Variants in NDST3 observed in about 807,000 individuals in gnomAD.
NDST3 encodes the protein bifunctional heparan sulfate N-deacetylase/N-sulfotransferase 3.
In NDST3, 58 loss-of-function variants were observed where a neutral mutation model predicts 96.1. That is an observed-to-expected ratio of 0.60 (90% CI 0.49 to 0.75). The LOEUF is 0.75. Ranked by LOEUF, NDST3 falls within the 30% of genes least tolerant of loss-of-function variation. The pLI is 0.00. For missense variants in NDST3, 788 were observed against 1,034.2 expected, an observed-to-expected ratio of 0.76 and a Z score of 3.27; for synonymous variants, 333 against 359.7, an observed-to-expected ratio of 0.93 and a Z score of 0.84.
chr4:118,138,224 C>T lies in NDST3; in HGVS notation c.1395C>T (p.Ile465=), dbSNP rs1192425830. 2 of 1,613,416 alleles carry T rather than the reference C, an allele frequency of 1.2e-6. No individual in the cohort carries two copies. Among genetic ancestry groups the T allele is most frequent in the Admixed American group, 1.7e-5 (1 of 59,924 alleles). ...CAGCTAGATACCGGAGGGGTTTTAT[C>T]CACAAAAACATCATGGTGAGCTTCC... ...LKPARYRRGF[I]HKNIMVLPRQ... is the part of the protein sequence containing the mutation. The change falls in exon 5 of 14, where the codon ATC becomes ATT. Residue 465 remains isoleucine (I), a synonymous_variant. Coordinates refer to ENST00000296499, the MANE Select transcript of NDST3 (RefSeq NM_004784.3).
chr4:118,093,434 A>T (rs1271976151), intron 2 of NDST3, among the ~76,000 whole-genome samples: 2 of 151,824 alleles, frequency 1.3e-5, no homozygotes, highest in Non-Finnish European at 2.9e-5. Context: ...CACAATTTCT[A>T]ATTTTTCACC....
At chr4:118,084,241 G>C (rs939218252) in intron 2 of NDST3, among the ~76,000 whole-genome samples, 5 of 151,832 alleles carry the variant, frequency 3.3e-5, no homozygotes, top group Admixed American at 1.3e-4. Context: ...AAAAAAAATA[G>C]GTAACTATGT....
chr4:118,105,158 T>C, intron 3 of NDST3, 53 bp downstream of exon 3: 1 of 1,379,960 alleles, frequency 7.2e-7, no homozygotes, highest in Non-Finnish European at 1.0e-6. Flanking sequence ...TCACTCTATT[T>C]AAAATTGCAC....
At chr4:118,166,591 C>T (rs1318813165) in intron 6 of NDST3, among the ~76,000 whole-genome samples, 2 of 151,822 alleles carry the variant, frequency 1.3e-5, no homozygotes. Flanking sequence ...GACAAATATA[C>T]TATGAGAAGA....
intron 6 of NDST3, among the ~76,000 whole-genome samples, chr4:118,166,845 TATG>T (rs1235402199): frequency 6.6e-6 from 1 of 151,812 alleles, no homozygotes; most frequent in Non-Finnish European, 1.5e-5. Context: ...CAAAATGCAA[TATG>T]ATTTCATGAT....
intron 2 of NDST3, among the ~76,000 whole-genome samples, chr4:118,068,166 C>CTTTTTTTTTTT (rs34891564): frequency 1.2e-5 from 1 of 84,310 alleles, no homozygotes; most frequent in Non-Finnish European, 2.2e-5. Context: ...TACTTGATCT[C>CTTTTTTTTTTT]TTTTTTTTTT....
chr4:118,208,389 A>G (rs1473055022), intron 6 of NDST3, among the ~76,000 whole-genome samples: 1 of 143,550 alleles, frequency 7.0e-6, no homozygotes, highest in Non-Finnish European at 1.5e-5. Flanking sequence ...TCTTTCCCCC[A>G]TCTCTGCAGA....
intron 12 of NDST3, among the ~76,000 whole-genome samples, chr4:118,248,171 T>C (rs1335487058): frequency 6.6e-6 from 1 of 152,014 alleles, no homozygotes; most frequent in African/African-American, 2.4e-5. Context: ...ACCAATATGG[T>C]GGAACCCCAT....
intron 4 of NDST3, among the ~76,000 whole-genome samples, chr4:118,137,750 T>A (rs1157604168): frequency 6.6e-6 from 1 of 152,148 alleles, no homozygotes; most frequent in Non-Finnish European, 1.5e-5. Flanking sequence ...GTATGGGCAA[T>A]AGGAAAACAG....
chr4:118,240,594 G>A lies in NDST3; in HGVS notation c.2189G>A (p.Arg730His), dbSNP rs753811574. Residue 730 changes from arginine (R) to histidine (H), a missense_variant, in exon 11 of 14, where the codon CGT becomes CAT. Physicochemically the swap from Arg to His is conservative, Grantham distance 29. Around this residue, in one of 3 missense-constraint regions of NDST3, gnomAD observed 490 missense variants for 708.8 expected, o/e 0.69. Transcript: ENST00000296499. ...TACGAAGTGATCTCAGCAGGGCCCCGTGCACCCTCGGAGCTCAGAGCCTTG... is the reference window on the plus strand; with the variant it reads ...TACGAAGTGATCTCAGCAGGGCCCCATGCACCCTCGGAGCTCAGAGCCTTG... ...SFYEVISAGP[R>H]APSELRALQK... 2.2e-5 allele frequency: 36 copies of A among 1,613,718 alleles called. No individual in the cohort carries two copies. The highest frequency in any genetic ancestry group is 2.6e-5 in the Non-Finnish European group (31 of 1,179,928).
chr4:118,104,966 A>T, intron 2 of NDST3, 52 bp from the exon 3 acceptor site: 1 of 1,478,126 alleles, frequency 6.8e-7, no homozygotes, highest in Non-Finnish European at 9.4e-7. Flanking sequence ...TCTTTTGGAA[A>T]CTTTTTAATG....
At chr4:118,128,396 G>A (rs1428474054) in intron 4 of NDST3, among the ~76,000 whole-genome samples, 1 of 151,858 alleles carries the variant, frequency 6.6e-6, no homozygotes, top group Non-Finnish European at 1.5e-5. Context: ...TTATCATGAA[G>A]GGATGTTCAA....
intron 1 of NDST3, among the ~76,000 whole-genome samples, chr4:118,045,800 C>T (rs1724729961): frequency 6.6e-6 from 1 of 152,192 alleles, no homozygotes; most frequent in Admixed American, 6.5e-5. Flanking sequence ...CAGTATTTTT[C>T]ACCTGTGCTT....
At chr4:118,066,586 C>T (rs62651504) in intron 2 of NDST3, among the ~76,000 whole-genome samples, 11,962 of 13,542 alleles carry the variant, frequency 0.88, 5,422 homozygotes, top group Middle Eastern at 1. Context: ...TTATATATAA[C>T]ATGTTATATA....
At chr4:118,055,236 T>C (rs1725344516) in intron 2 of NDST3, 1 of 256,734 alleles carries the variant, frequency 3.9e-6, no homozygotes, top group Admixed American at 5.1e-5. Context: ...CTCATTTAAA[T>C]ATGAAATTAA....
chr4:118,110,535 A>G (rs1229775004), intron 3 of NDST3, among the ~76,000 whole-genome samples: 1 of 152,244 alleles, frequency 6.6e-6, no homozygotes, highest in Non-Finnish European at 1.5e-5. Context: ...TACTCAACAC[A>G]GTGCTTGACA....
intron 4 of NDST3, among the ~76,000 whole-genome samples, chr4:118,135,899 A>C (rs533800938): frequency 6.6e-6 from 1 of 152,308 alleles, no homozygotes; most frequent in African/African-American, 2.4e-5. Context: ...AATTAATTAA[A>C]AATTGCAGTA....
chr4:118,102,222 T>C (rs917877428), intron 2 of NDST3, among the ~76,000 whole-genome samples: 9 of 152,082 alleles, frequency 5.9e-5, no homozygotes, highest in Admixed American at 5.9e-4. Flanking sequence ...TAGTACAGTA[T>C]TTTGGAAAAA....
At chr4:118,093,165 T>C (rs1729016961) in intron 2 of NDST3, among the ~76,000 whole-genome samples, 1 of 151,890 alleles carries the variant, frequency 6.6e-6, no homozygotes, top group South Asian at 2.1e-4. Flanking sequence ...CATTCAAGAA[T>C]GGCATTTGAC....
Sources: allele counts gnomAD v4.1 joint callset (sites outside exome capture counted in the v4.1 genomes callset), GRCh38; gene constraint gnomAD v4.1.1; regional missense constraint gnomAD v4.1.1; transcripts MANE v1.5; gene names NCBI Gene and HGNC (gene_info 2026-07-23, HGNC 2026-07-21).